Variants in PDGFRL observed in about 807,000 individuals in gnomAD.
PDGFRL encodes platelet derived growth factor receptor like.
In PDGFRL, 46 loss-of-function variants were observed where a neutral mutation model predicts 37.2. That is an observed-to-expected ratio of 1.24 (90% confidence interval 0.98 to 1.58). The LOEUF (loss-of-function observed/expected upper bound fraction) is 1.58, where lower values mean the gene tolerates loss of function less well. PDGFRL is among the 40% of genes most tolerant of loss of function. PDGFRL has a pLI of 0.00. For missense variants in PDGFRL, 692 were observed against 467.6 expected (o/e 1.48, Z -4.43); for synonymous variants, 251 against 184.3 (o/e 1.36, Z -2.93).
intron 2 of PDGFRL, among the ~76,000 whole-genome samples, chr8:17,599,395 G>A (rs937295844): frequency 2.0e-5 from 3 of 152,158 alleles, no homozygotes; most frequent in Non-Finnish European, 4.4e-5. Context: ...AACTTATGAT[G>A]TTTTCTATTC....
chr8:17,616,268 C>T (rs748378769), intron 2 of PDGFRL, among the ~76,000 whole-genome samples: 1 of 152,036 alleles, frequency 6.6e-6, no homozygotes, highest in East Asian at 1.9e-4. Context: ...AATCTCAGCT[C>T]ACTGCAACCT....
chr8:17,607,410 AAAC>A lies in PDGFRL; in HGVS notation c.354-13635_354-13633del, dbSNP rs994752375. ...ACCTACACCAAATATGTATTTAAAA[AAAC>A]AACAAAAAAAGTTTCTTTCAACAAA... is the stretch of plus-strand genomic sequence containing the variant. On this transcript the variant is annotated intron_variant, in intron 2 of 5. Coordinates refer to ENST00000251630, the MANE Select transcript of PDGFRL (RefSeq NM_001372073.1). Among the ~76,000 whole-genome samples, 7 of 152,368 alleles carry A rather than the reference AAAC, an allele frequency of 4.6e-5. No individual in the cohort carries two copies. In the East Asian group the frequency reaches 1.4e-3, roughly 29 times the overall value.
At chr8:17,606,886 G>GTTTTTTGTTTTTT (rs1804290094) in intron 2 of PDGFRL, among the ~76,000 whole-genome samples, 1 of 138,262 alleles carries the variant, frequency 7.2e-6, no homozygotes, top group African/African-American at 2.8e-5. Flanking sequence ...TTCGTTTTTT[G>GTTTTTTGTTTTTT]TTTTTTTGTT....
chr8:17,605,476 C>T (rs1019472632), intron 2 of PDGFRL, among the ~76,000 whole-genome samples: 1 of 152,220 alleles, frequency 6.6e-6, no homozygotes, highest in African/African-American at 2.4e-5. Context: ...TTTGCATCTT[C>T]TCTGCACACA....
chr8:17,620,204 T>C (rs1304213635), intron 2 of PDGFRL, among the ~76,000 whole-genome samples: 3 of 152,220 alleles, frequency 2.0e-5, no homozygotes, highest in Non-Finnish European at 4.4e-5. Context: ...TCAAGTTATC[T>C]TCCCATCTTG....
At chr8:17,616,449 TC>T in intron 2 of PDGFRL, among the ~76,000 whole-genome samples, 1 of 151,612 alleles carries the variant, frequency 6.6e-6, no homozygotes, top group Non-Finnish European at 1.5e-5. Flanking sequence ...CACCTCGGCC[TC>T]CCAAAATGCT....
intron 2 of PDGFRL, among the ~76,000 whole-genome samples, chr8:17,595,104 G>A (rs1253580307): frequency 1.3e-5 from 2 of 152,114 alleles, no homozygotes; most frequent in African/African-American, 4.8e-5. Context: ...CCAGCACTCA[G>A]GGCCCTATGG....
In PDGFRL at chr8:17,589,783, A is replaced by T; in HGVS notation, c.353+18A>T. 1 of 1,515,422 alleles carries T rather than the reference A, an allele frequency of 6.6e-7. No homozygotes were observed. Among genetic ancestry groups the T allele is most frequent in the Non-Finnish European group, 9.0e-7 (1 of 1,105,734 alleles). The allele number at this position is 1,515,422 out of a possible 1,614,324, so 93.9% of individuals were successfully genotyped here. On this transcript the variant is annotated intron_variant, in intron 2 of 5. Transcript: ENST00000251630. ...CGCCTCAGGTAAGCATTTTTTTTTA[A>T]AACTGTGTAGGGTTGAGGATTTGTA...
intron 4 of PDGFRL, among the ~76,000 whole-genome samples, chr8:17,633,840 G>T (rs1804910146): frequency 6.6e-6 from 1 of 152,046 alleles, no homozygotes; most frequent in African/African-American, 2.4e-5. Flanking sequence ...CACAGTCTTG[G>T]AGGCTGTCCT....
intron 2 of PDGFRL, among the ~76,000 whole-genome samples, chr8:17,614,515 G>T (rs1253049822): frequency 1.3e-5 from 2 of 152,188 alleles, no homozygotes; most frequent in Non-Finnish European, 2.9e-5. Flanking sequence ...ACAGTTCCTT[G>T]CATGTGGTAG....
intron 4 of PDGFRL, among the ~76,000 whole-genome samples, 199 bp downstream of exon 4, chr8:17,628,979 C>T (rs1056053546): frequency 2.6e-5 from 4 of 151,738 alleles, no homozygotes; most frequent in African/African-American, 9.7e-5. Context: ...TGCAGTGGCA[C>T]AACCATTTTC....
intron 3 of PDGFRL, among the ~76,000 whole-genome samples, chr8:17,623,414 C>G (rs1804670350): frequency 6.6e-6 from 1 of 152,150 alleles, no homozygotes; most frequent in Non-Finnish European, 1.5e-5. Flanking sequence ...GTGGAAAAAG[C>G]AACCAACTAA....
Position 17,634,167 on chromosome 8 carries a change from A to T in PDGFRL, c.893A>T (p.Glu298Val). ...DISVLCTVLG[E>V]PDVEVEFTWI... ...AGTGTGCTCTGCACTGTCCTGGGGG[A>T]GCCCGATGTGGAGGTGGAGTTCACC... The change falls in exon 5 of 6, where the codon GAG (glutamate) becomes GTG (valine). Residue 298 changes from glutamate to valine, a missense_variant. Physicochemically the swap from Glu to Val is moderately radical, Grantham distance 121. Transcript: ENST00000251630. 2 of 1,612,930 alleles carry T rather than the reference A, an allele frequency of 1.2e-6. No individual in the cohort carries two copies. The highest frequency in any genetic ancestry group is 1.7e-6 in the Non-Finnish European group (2 of 1,179,190).
Position 17,589,723 on chromosome 8 carries a change from G to A in PDGFRL, c.311G>A (p.Ser104Asn), listed in dbSNP as rs748000375. The change falls in exon 2 of 6, where the codon AGC (serine) becomes AAC (asparagine). Residue 104 changes from serine to asparagine, a missense_variant. Transcript: ENST00000251630. ...LRCKGSRIGWSYPAYLDTFKD... is the reference protein window; with the variant it reads ...LRCKGSRIGWNYPAYLDTFKD... Reference sequence around the variant, plus strand: ...TGTAAAGGGAGTAGAATTGGGTGGAGCTACCCTGCGTATCTGGACACCTTT... The same window carrying A: ...TGTAAAGGGAGTAGAATTGGGTGGAACTACCCTGCGTATCTGGACACCTTT... 3 of 1,613,126 alleles carry A rather than the reference G, an allele frequency of 1.9e-6. No homozygotes were observed. Among genetic ancestry groups the A allele is most frequent in the Non-Finnish European group, 2.5e-6 (3 of 1,179,286 alleles).
intron 2 of PDGFRL, among the ~76,000 whole-genome samples, chr8:17,607,418 A>G (rs1198837827): frequency 6.6e-6 from 1 of 152,194 alleles, no homozygotes; most frequent in Admixed American, 6.5e-5. Flanking sequence ...AAAAACAACA[A>G]AAAAAGTTTC....
intron 2 of PDGFRL, among the ~76,000 whole-genome samples, chr8:17,591,359 C>G (rs948991845): frequency 6.6e-6 from 1 of 152,130 alleles, no homozygotes; most frequent in African/African-American, 2.4e-5. Flanking sequence ...GAAAGAAACA[C>G]GTGCTTCCTG....
rs147786805 is a variant in PDGFRL, at chr8:17,583,336, C to G, written c.55+6029C>G. On this transcript the variant is annotated intron_variant, in intron 1 of 5. Transcript: ENST00000251630. ...CCTTGGAAAACAAACAGACATTCAA[C>G]TCCAACCTGTCAGATCAGCCATGTG... is the stretch of plus-strand genomic sequence containing the variant. Among the ~76,000 whole-genome samples the G allele has an allele frequency of 1.5e-3, 221 of 152,286 alleles. 1 individual carries two copies. The highest frequency in any genetic ancestry group is 5.2e-3 in the African/African-American group (217 of 41,532).
At chr8:17,604,296 A>G (rs925587384) in intron 2 of PDGFRL, among the ~76,000 whole-genome samples, 3 of 152,182 alleles carry the variant, frequency 2.0e-5, no homozygotes, top group Non-Finnish European at 4.4e-5. Context: ...GTATGTTTAT[A>G]GCGGCACTAT....
intron 2 of PDGFRL, among the ~76,000 whole-genome samples, chr8:17,620,165 T>C (rs1486287272): frequency 6.6e-6 from 1 of 152,204 alleles, no homozygotes; most frequent in Non-Finnish European, 1.5e-5. Flanking sequence ...TCTTGCTATG[T>C]TGCTCAGGTT....
Sources: allele counts gnomAD v4.1 joint callset (sites outside exome capture counted in the v4.1 genomes callset), GRCh38; gene constraint gnomAD v4.1.1; transcripts MANE v1.5; gene names NCBI Gene and HGNC (gene_info 2026-07-23, HGNC 2026-07-21).